Variants in DPP6 observed in about 807,000 individuals in gnomAD.
DPP6 encodes the protein A-type potassium channel modulatory protein DPP6.
A neutral mutation model predicts 122.6 loss-of-function variants in DPP6; 69 were observed. That is an observed-to-expected ratio of 0.56 (90% CI 0.46 to 0.69). The LOEUF is 0.69. DPP6 is among the 30% of genes least tolerant of loss of function. The pLI is 0.00. For missense variants in DPP6, 928 were observed against 1,116.9 expected (o/e 0.83, Z 2.41); for synonymous variants, 418 against 433.1 (o/e 0.97, Z 0.43).
intron 1 of DPP6, among the ~76,000 whole-genome samples, chr7:153,959,091 C>G (rs2129027184): frequency 6.6e-6 from 1 of 152,216 alleles, no homozygotes; most frequent in East Asian, 1.9e-4. Flanking sequence ...GGCCAAGAAC[C>G]TGGCCTCCTC....
intron 15 of DPP6, 35 bp from the exon 16 acceptor site, chr7:154,806,959 G>T (rs369060438): frequency 6.2e-7 from 1 of 1,608,620 alleles, no homozygotes; most frequent in Non-Finnish European, 8.5e-7. Context: ...GCTCCTCTCC[G>T]CCCACATTCA....
intron 1 of DPP6, among the ~76,000 whole-genome samples, chr7:153,975,556 AAAAG>A (rs1338775211): frequency 3.3e-5 from 5 of 149,982 alleles, no homozygotes; most frequent in African/African-American, 1.3e-4. Context: ...CTAAAAAAAA[AAAAG>A]AAAATACTGC....
chr7:154,185,693 C>G (rs1373466787), intron 1 of DPP6, among the ~76,000 whole-genome samples: 1 of 152,124 alleles, frequency 6.6e-6, no homozygotes, highest in African/African-American at 2.4e-5. Flanking sequence ...AGATCGACAG[C>G]TTTTCTTTCT....
intron 6 of DPP6, among the ~76,000 whole-genome samples, chr7:154,660,109 AG>A (rs1837524602): frequency 6.6e-6 from 1 of 152,342 alleles, no homozygotes; most frequent in African/African-American, 2.4e-5. Flanking sequence ...TTATGGAAGA[AG>A]TAAAGGACTC....
intron 1 of DPP6, among the ~76,000 whole-genome samples, chr7:154,236,504 T>C (rs1472023056): frequency 3.9e-5 from 6 of 152,194 alleles, no homozygotes; most frequent in African/African-American, 1.4e-4. Context: ...CTTAGGATAA[T>C]TTCTTAGCCC....
chr7:154,108,747 T>C (rs1585394545), intron 1 of DPP6, among the ~76,000 whole-genome samples: 2 of 152,216 alleles, frequency 1.3e-5, no homozygotes, highest in East Asian at 3.9e-4. Flanking sequence ...AAGCCAGCAA[T>C]GTGTGGTGGG....
chr7:154,222,019 C>T (rs1033604459), intron 1 of DPP6, among the ~76,000 whole-genome samples: 3 of 152,104 alleles, frequency 2.0e-5, no homozygotes, highest in African/African-American at 4.8e-5. Context: ...AACATCTTTT[C>T]GGGAGAACCT....
chr7:154,853,791 C>G lies in DPP6; in HGVS notation c.1678C>G (p.Pro560Ala), dbSNP rs1563285028. 1 of 1,613,556 alleles carries G rather than the reference C, an allele frequency of 6.2e-7. No homozygotes were observed. Among genetic ancestry groups the G allele is most frequent in the Non-Finnish European group, 8.5e-7 (1 of 1,179,756 alleles). Residue 560 changes from proline (P) to alanine (A), a missense_variant, in exon 17 of 26, where the codon CCT becomes GCT. Physicochemically the swap from Pro to Ala is conservative, Grantham distance 27. Coordinates refer to ENST00000377770, the MANE Select transcript of DPP6 (RefSeq NM_130797.4). The part of the protein sequence containing the change: ...FLLKCEGPGV[P>A]MVTVHNTTDK... ...TCTACCCAACACAGGTCCTGGTGTT[C>G]CTATGGTGACGGTGCACAACACAAC...
chr7:153,797,904 A>G, the DPP6 span, among the ~76,000 whole-genome samples: 1 of 151,874 alleles, frequency 6.6e-6, no homozygotes, highest in South Asian at 2.1e-4. Flanking sequence ...TGCGGTGGCG[A>G]GATCTTGGCT....
intron 1 of DPP6, among the ~76,000 whole-genome samples, chr7:153,998,554 C>T (rs897145966): frequency 6.6e-6 from 1 of 152,168 alleles, no homozygotes; most frequent in African/African-American, 2.4e-5. Flanking sequence ...GGGAGAATGA[C>T]AGCAACATCG....
intron 17 of DPP6, among the ~76,000 whole-genome samples, chr7:154,856,188 C>A (rs1391611028): frequency 2.0e-5 from 3 of 152,230 alleles, no homozygotes; most frequent in African/African-American, 7.2e-5. Context: ...TAGCATATGG[C>A]TCTTCTTACA....
intron 1 of DPP6, among the ~76,000 whole-genome samples, chr7:153,896,144 A>G (rs1032352252): frequency 1.3e-5 from 2 of 152,230 alleles, no homozygotes; most frequent in African/African-American, 4.8e-5. Context: ...TACTGGACTA[A>G]TGCCCCTATT....
chr7:153,791,419 CCTTT>C, the DPP6 span, among the ~76,000 whole-genome samples: 15 of 30,692 alleles, frequency 4.9e-4, 1 homozygote. Context: ...TTCCTTCCTT[CCTTT>C]CTTTTTTTTT....
chr7:154,824,556 G>T (rs1800018263), intron 16 of DPP6, among the ~76,000 whole-genome samples: 1 of 152,212 alleles, frequency 6.6e-6, no homozygotes, highest in South Asian at 2.1e-4. Flanking sequence ...TGGGATTACA[G>T]GTGGGAGCCA....
intron 16 of DPP6, chr7:154,838,558 G>T (rs1801266556): frequency 2.0e-5 from 3 of 152,272 alleles, no homozygotes; most frequent in African/African-American, 7.2e-5. Flanking sequence ...GTAGGTATTT[G>T]CAGGGGCTTC....
At chr7:154,204,793 G>GTGTGTA (rs985714325) in intron 1 of DPP6, among the ~76,000 whole-genome samples, 102 of 152,070 alleles carry the variant, frequency 6.7e-4, no homozygotes, top group African/African-American at 2.2e-3. Context: ...TTGTGTGTGT[G>GTGTGTA]TGTGTCTGTA....
chr7:153,750,201 GAGTA>G, the DPP6 span, among the ~76,000 whole-genome samples: 7 of 152,196 alleles, frequency 4.6e-5, no homozygotes, highest in Admixed American at 1.3e-4. Context: ...TTATTCAACT[GAGTA>G]AGTAATATCG....
chr7:154,472,845 T>A (rs1226788127), intron 2 of DPP6, among the ~76,000 whole-genome samples: 1 of 152,138 alleles, frequency 6.6e-6, no homozygotes, highest in African/African-American at 2.4e-5. Context: ...TCATAATGCC[T>A]CCACCACATA....
At chr7:154,587,705 CATT>C (rs1832546646) in intron 5 of DPP6, 2 of 1,552,284 alleles carry the variant, frequency 1.3e-6, no homozygotes, top group Admixed American at 3.9e-5. Context: ...TCATGTGACT[CATT>C]AGCAGTAAGT....
Sources: gnomAD v4.1 joint callset for allele counts (sites outside exome capture counted in the v4.1 genomes callset) on GRCh38, gnomAD v4.1.1 for gene constraint, MANE v1.5 for transcripts, NCBI Gene and HGNC (gene_info 2026-07-23, HGNC 2026-07-21) for gene names.